The following ANKHD1 variants were observed in gnomAD, a reference collection of about 807,000 sequenced individuals.
The protein encoded by ANKHD1 is ankyrin repeat and KH domain containing 1.
A neutral mutation model predicts 230.5 loss-of-function variants in ANKHD1; 31 were observed. The observed-to-expected ratio is 0.13, with a 90% CI of 0.10 to 0.18. ANKHD1 has a LOEUF of 0.18. ANKHD1 is among the 10% of genes least tolerant of loss of function. The pLI, the probability that ANKHD1 is intolerant of heterozygous loss-of-function variation, is 1.00. For synonymous variants in ANKHD1, 1,074 were observed against 1,117.6 expected, an observed-to-expected ratio of 0.96 and a Z score of 0.78; for missense variants, 2,256 against 3,071.3, an observed-to-expected ratio of 0.73 and a Z score of 6.27.
chr5:140,491,903 G>C lies in ANKHD1; in HGVS notation c.2246-4617G>C, dbSNP rs768908288. 4.0e-4 allele frequency among the ~76,000 whole-genome samples: 61 copies of C among 152,200 alleles called. 1 individual carries two copies. Among genetic ancestry groups the C allele is most frequent in the Admixed American group, 7.8e-4 (12 of 15,288 alleles). On this transcript the variant is annotated intron_variant, in intron 14 of 33. Transcript: ENST00000360839. ...GGCTAAGAATATAGATTATTTTGAA[G>C]GCAGAAGAAAATTCTTAAGCATTTT... is the stretch of plus-strand genomic sequence containing the variant.
chr5:140,431,651 T>C (rs1366320519), intron 1 of ANKHD1, among the ~76,000 whole-genome samples: 2 of 152,216 alleles, frequency 1.3e-5, no homozygotes, highest in African/African-American at 4.8e-5. Flanking sequence ...TTACACACAA[T>C]GCCTGATAGA....
intron 1 of ANKHD1, among the ~76,000 whole-genome samples, chr5:140,406,598 A>G (rs1235409985): frequency 6.7e-6 from 1 of 148,608 alleles, no homozygotes; most frequent in African/African-American, 2.5e-5. Flanking sequence ...CTTGTCGCCC[A>G]GGCTGGCACG....
At chr5:140,518,416 G>A (rs1404421881) in intron 24 of ANKHD1, among the ~76,000 whole-genome samples, 2 of 151,364 alleles carry the variant, frequency 1.3e-5, no homozygotes, top group South Asian at 2.1e-4. Flanking sequence ...GAAAAAGAGG[G>A]AATCCTCCCT....
At chr5:140,452,203 A>G (rs1774801780) in intron 7 of ANKHD1, among the ~76,000 whole-genome samples, 1 of 152,240 alleles carries the variant, frequency 6.6e-6, no homozygotes, top group African/African-American at 2.4e-5. Flanking sequence ...AGGCTTAAGT[A>G]GGTAAACAAA....
In ANKHD1 at chr5:140,427,384, C is replaced by CA. The variant is rs1170945887; in HGVS notation, c.307-8719dup. Among the ~76,000 whole-genome samples the CA allele has an allele frequency of 6.1e-5, 3 of 48,846 alleles. 1 individual carries two copies. The highest frequency in any genetic ancestry group is 1.7e-4 in the African/African-American group (2 of 11,698). 32.0% of individuals were successfully genotyped at this position (48,846 alleles called of 152,430 possible). On this transcript the variant is annotated intron_variant, in intron 1 of 33. Transcript: ENST00000360839. ...GCCAGGCGGGGGGCTGACCCCCCCCCACCTCCCTCCCCGACGGGCGGCTGG... is the reference window on the plus strand; with the variant it reads ...GCCAGGCGGGGGGCTGACCCCCCCCCAACCTCCCTCCCCGACGGGCGGCTGG...
rs192178851 is a variant in ANKHD1 at position 140,513,847 on chromosome 5, G to C, written c.4317+368G>C. On this transcript the variant is annotated intron_variant, in intron 24 of 33. Transcript: ENST00000360839. ...AAGAAAGAAATTATTGAGGGTGGGC[G>C]TGGTGGCTCACACCTGTAATCCCAG... 2.7e-5 allele frequency among the ~76,000 whole-genome samples: 4 copies of C among 150,894 alleles called. No individual in the cohort carries two copies. The East Asian group carries it at 7.8e-4, about 29-fold the overall frequency.
intron 15 of ANKHD1, among the ~76,000 whole-genome samples, chr5:140,500,527 A>T (rs1176446825): frequency 6.6e-6 from 1 of 151,922 alleles, no homozygotes; most frequent in Non-Finnish European, 1.5e-5. Flanking sequence ...GCATGCCTGT[A>T]ATCCCAGCTA....
chr5:140,451,908 G>A (rs2126947226), intron 7 of ANKHD1, among the ~76,000 whole-genome samples: 1 of 152,126 alleles, frequency 6.6e-6, no homozygotes, highest in Middle Eastern at 3.4e-3. Context: ...GTACAATATA[G>A]CCTCTGACCT....
intron 1 of ANKHD1, among the ~76,000 whole-genome samples, chr5:140,403,077 C>G (rs1031092775): frequency 7.0e-6 from 1 of 142,638 alleles, no homozygotes; most frequent in African/African-American, 2.6e-5. Context: ...TCAAGCGATT[C>G]TCCTGCCTCA....
chr5:140,501,469 G>A (rs914428142), intron 15 of ANKHD1, among the ~76,000 whole-genome samples: 4 of 151,820 alleles, frequency 2.6e-5, no homozygotes, highest in African/African-American at 9.7e-5. Context: ...CACAACAGCC[G>A]GGCACTGTGG....
intron 1 of ANKHD1, among the ~76,000 whole-genome samples, chr5:140,418,223 T>C (rs1771574064): frequency 6.6e-6 from 1 of 150,920 alleles, no homozygotes. Flanking sequence ...CACGGTTCAC[T>C]GCAGCCTCAA....
intron 5 of ANKHD1, among the ~76,000 whole-genome samples, chr5:140,444,240 C>G (rs973381113): frequency 1.3e-5 from 2 of 152,082 alleles, no homozygotes; most frequent in Admixed American, 1.3e-4. Context: ...ACAGATACCC[C>G]TCCTCGCTTC....
At chr5:140,488,043 T>C (rs1482612112) in intron 14 of ANKHD1, among the ~76,000 whole-genome samples, 1 of 152,204 alleles carries the variant, frequency 6.6e-6, no homozygotes, top group East Asian at 1.9e-4. Context: ...CTCTCTGATT[T>C]AAGCTAATTC....
In ANKHD1 at chr5:140,485,705, C is replaced by T; in HGVS notation, c.2115C>T (p.Leu705=). The T allele has an allele frequency of 6.2e-7, 1 of 1,614,014 alleles. No homozygotes were observed. Residue 705 remains leucine, a synonymous_variant, in exon 13 of 34, where the codon CTC becomes CTT. Coordinates refer to ENST00000360839, the MANE Select transcript of ANKHD1 (RefSeq NM_017747.3). This position sits in a 1 kb window ranked among gnomAD's most constrained non-coding sequence, Gnocchi z 4.8. ...LSVPTTDVSQ[L]PPPSQDQSQV... is the part of the protein sequence containing the mutation. Reference sequence around the variant, plus strand: ...TTCCCACCACAGATGTGTCTCAGCTCCCTCCACCTTCTCAAGATCAGTCTC... The same window carrying T: ...TTCCCACCACAGATGTGTCTCAGCTTCCTCCACCTTCTCAAGATCAGTCTC...
chr5:140,505,365 G>A, intron 17 of ANKHD1, 132 bp downstream of exon 17: 1 of 1,103,216 alleles, frequency 9.1e-7, no homozygotes, highest in South Asian at 1.7e-5. Context: ...AGGAATATCT[G>A]GATTCATTAT....
chr5:140,508,082 T>G, intron 20 of ANKHD1, 84 bp downstream of exon 20: 1 of 1,462,182 alleles, frequency 6.8e-7, no homozygotes, highest in Non-Finnish European at 9.1e-7. Flanking sequence ...AATATAATAT[T>G]TTAAATTATC....
intron 20 of ANKHD1, among the ~76,000 whole-genome samples, chr5:140,508,519 C>T (rs1312100428): frequency 1.3e-5 from 2 of 152,028 alleles, no homozygotes; most frequent in South Asian, 2.1e-4. Flanking sequence ...TTTGGGAAGC[C>T]TAGGCAGGTG....
At chr5:140,418,755 G>T (rs567907394) in intron 1 of ANKHD1, among the ~76,000 whole-genome samples, 4 of 152,062 alleles carry the variant, frequency 2.6e-5, no homozygotes, top group African/African-American at 7.2e-5. Flanking sequence ...TTTTGAGTCC[G>T]AGTCTTGCTC....
chr5:140,525,337 A>C (rs963980117), intron 25 of ANKHD1, among the ~76,000 whole-genome samples: 1 of 151,868 alleles, frequency 6.6e-6, no homozygotes, highest in African/African-American at 2.4e-5. Flanking sequence ...ATCTCGGCTC[A>C]CTGCAACCTC....
Sources: allele counts gnomAD v4.1 joint callset (sites outside exome capture counted in the v4.1 genomes callset), GRCh38; gene constraint gnomAD v4.1.1; non-coding constraint Gnocchi (gnomAD v3.1); transcripts MANE v1.5; gene names NCBI Gene and HGNC (gene_info 2026-07-23, HGNC 2026-07-21).